COL4A6: variants seen among roughly 807,000 people sequenced by gnomAD.
The protein encoded by COL4A6 is collagen type IV alpha 6 chain, also known as collagen alpha-6(IV) chain.
A neutral mutation model predicts 126.7 loss-of-function variants in COL4A6; 59 were observed. The observed-to-expected ratio is 0.47, with a 90% CI of 0.38 to 0.58. COL4A6 has a LOEUF of 0.58. COL4A6 is among the 20% of genes least tolerant of loss of function. COL4A6 has a pLI of 0.00. For missense variants in COL4A6, 1,285 were observed against 1,337.3 expected (o/e 0.96, Z 0.61); for synonymous variants, 547 against 496.6 (o/e 1.10, Z -1.35).
chrX:108,300,834 G>A (rs1407299910), intron 3 of COL4A6, among the ~76,000 whole-genome samples: 1 of 109,880 alleles, frequency 9.1e-6, no homozygotes, highest in Non-Finnish European at 1.9e-5. Flanking sequence ...AGCCCCCAGA[G>A]TACTTTCTTA....
intron 2 of COL4A6, among the ~76,000 whole-genome samples, chrX:108,328,409 G>C (rs1325120192): frequency 9.1e-6 from 1 of 109,942 alleles, no homozygotes; most frequent in Non-Finnish European, 1.9e-5. Flanking sequence ...GAGAGAAGGA[G>C]GGAGGCAGAG....
At chrX:108,382,983 T>C (rs2040594426) in intron 2 of COL4A6, among the ~76,000 whole-genome samples, 1 of 102,760 alleles carries the variant, frequency 9.7e-6, no homozygotes, top group Non-Finnish European at 2.0e-5. Context: ...ATAATAATAA[T>C]AATAATAATA....
At chrX:108,203,536 G>A (rs897054112) in intron 12 of COL4A6, among the ~76,000 whole-genome samples, 2 of 112,297 alleles carry the variant, frequency 1.8e-5, no homozygotes, top group East Asian at 5.6e-4. Flanking sequence ...AAACCTGGAG[G>A]GGCTTGGAGT....
intron 2 of COL4A6, among the ~76,000 whole-genome samples, chrX:108,315,989 G>A (rs2038872993): frequency 8.9e-6 from 1 of 111,926 alleles, no homozygotes; most frequent in Admixed American, 9.5e-5. Context: ...TGGGTCTCCT[G>A]AAATAAAGAG....
chrX:108,399,163 G>A, intron 2 of COL4A6, among the ~76,000 whole-genome samples: 1 of 111,151 alleles, frequency 9.0e-6, no homozygotes, highest in Non-Finnish European at 1.9e-5. Flanking sequence ...GGGAGGAGGA[G>A]TTGAACTTGG....
chrX:108,438,073 T>G, intron 1 of COL4A6, 80 bp from the exon 2 acceptor site: 1 of 1,198,951 alleles, frequency 8.3e-7, no homozygotes, highest in East Asian at 3.0e-5. Context: ...CGAACCCTTT[T>G]GGATGCCTGC....
Position 108,324,273 on chromosome X carries a change from G to A in COL4A6, c.64-13445C>T, listed in dbSNP as rs2039099573. On this transcript the variant is annotated intron_variant, in intron 2 of 44. Coordinates refer to ENST00000334504, the MANE Select transcript of COL4A6 (RefSeq NM_033641.4). The stretch of plus-strand genomic sequence containing the variant: ...GACTAGTGGGACACAGTCTAAAAAT[G>A]CCCAGTTGAAACAGATGGTGAGTTC... Among the ~76,000 whole-genome samples, 3 of 111,813 alleles carry A rather than the reference G, an allele frequency of 2.7e-5. No homozygotes were observed. The South Asian group carries it at 1.1e-3, about 42-fold the overall frequency.
intron 27 of COL4A6, among the ~76,000 whole-genome samples, chrX:108,177,753 A>G (rs1347941075): frequency 8.9e-6 from 1 of 112,111 alleles, no homozygotes; most frequent in Non-Finnish European, 1.9e-5. Flanking sequence ...CAAGGACCCA[A>G]ATGAATGGCT....
At chrX:108,177,371 AC>A (rs1438126598) in intron 27 of COL4A6, among the ~76,000 whole-genome samples, 1 of 112,146 alleles carries the variant, frequency 8.9e-6, no homozygotes, top group Non-Finnish European at 1.9e-5. Context: ...GTTTCCTGGT[AC>A]TTCCAGTCTG....
intron 2 of COL4A6, among the ~76,000 whole-genome samples, chrX:108,424,106 T>C (rs2064030449): frequency 8.9e-6 from 1 of 111,972 alleles, no homozygotes; most frequent in Admixed American, 9.5e-5. Context: ...TTCATAGGGT[T>C]CACTGCAAAA....
At chrX:108,281,745 ATAC>A (rs1250198063) in intron 3 of COL4A6, among the ~76,000 whole-genome samples, 7 of 110,558 alleles carry the variant, frequency 6.3e-5, no homozygotes, top group Non-Finnish European at 1.3e-4. Flanking sequence ...ACTTCAAACT[ATAC>A]TACAAGGCTA....
chrX:108,301,711 C>T lies in COL4A6; in HGVS notation c.144+9037G>A, dbSNP rs937187654. 7.2e-5 allele frequency among the ~76,000 whole-genome samples: 8 copies of T among 111,674 alleles called. 1 individual carries two copies. The highest frequency in any genetic ancestry group is 2.8e-4 in the Admixed American group (3 of 10,574). On this transcript the variant is annotated intron_variant, in intron 3 of 44. Transcript: ENST00000334504. ...ATCTCTCTGAAACTTTCTTCCAAGC[C>T]CATTCATAATTAAAGTGAGGGAAAG... is the stretch of plus-strand genomic sequence containing the variant.
chrX:108,210,498 A>C (rs754665488), intron 7 of COL4A6, among the ~76,000 whole-genome samples: 1 of 112,776 alleles, frequency 8.9e-6, no homozygotes, highest in South Asian at 3.7e-4. Flanking sequence ...TTACTGCATG[A>C]ATCAGTAATA....
chrX:108,237,882 C>G (rs1432087859), intron 3 of COL4A6, among the ~76,000 whole-genome samples: 2 of 106,614 alleles, frequency 1.9e-5, no homozygotes, highest in Non-Finnish European at 3.9e-5. Flanking sequence ...ATCTATCTAT[C>G]TATCTATCTA....
At chrX:108,396,369 T>C (rs2040964630) in intron 2 of COL4A6, among the ~76,000 whole-genome samples, 1 of 111,709 alleles carries the variant, frequency 9.0e-6, no homozygotes, top group African/African-American at 3.3e-5. Flanking sequence ...ATTCACAACC[T>C]TGGAATGAAG....
intron 2 of COL4A6, among the ~76,000 whole-genome samples, chrX:108,319,273 G>A (rs1460835487): frequency 8.9e-6 from 1 of 112,352 alleles, no homozygotes; most frequent in African/African-American, 3.2e-5. Context: ...AGGAGGCTGA[G>A]GCAGGAGGAT....
At chrX:108,266,453 G>A (rs761025580) in intron 3 of COL4A6, among the ~76,000 whole-genome samples, 2 of 111,136 alleles carry the variant, frequency 1.8e-5, no homozygotes, top group South Asian at 3.8e-4. Flanking sequence ...AAGGTATTGC[G>A]GCTATTTTCA....
At chrX:108,398,848 C>A (rs898103543) in intron 2 of COL4A6, among the ~76,000 whole-genome samples, 1 of 110,901 alleles carries the variant, frequency 9.0e-6, no homozygotes, top group Admixed American at 9.6e-5. Context: ...TGGAAAATTG[C>A]GAATTTGGAG....
At chrX:108,420,397 A>C (rs1177657735) in intron 2 of COL4A6, among the ~76,000 whole-genome samples, 3 of 111,424 alleles carry the variant, frequency 2.7e-5, no homozygotes, top group Admixed American at 1.9e-4. Context: ...TAGCATAAAC[A>C]AGAAGAAACT....
Sources: gnomAD v4.1 joint callset for allele counts (sites outside exome capture counted in the v4.1 genomes callset) on GRCh38, gnomAD v4.1.1 for gene constraint, MANE v1.5 for transcripts, NCBI Gene and HGNC (gene_info 2026-07-23, HGNC 2026-07-21) for gene names.